The following RYR2 variants were observed in gnomAD, a reference collection of about 807,000 sequenced individuals.
The protein encoded by RYR2 is cardiac muscle ryanodine receptor-calcium release channel.
In RYR2, 227 loss-of-function variants were observed where a neutral mutation model predicts 601.1. The ratio of observed to expected loss-of-function variants is 0.38; its 90% CI spans 0.34 to 0.42. The LOEUF is 0.42. Among genes scored for constraint, RYR2 ranks in the 10% least tolerant of loss-of-function variants. RYR2 has a pLI of 1.00. For missense variants in RYR2, 4,646 were observed against 6,156.5 expected (o/e 0.75, Z 8.21); for synonymous variants, 2,223 against 2,175.1 (o/e 1.02, Z -0.61).
chr1:237,181,415 G>A (rs1359394491), intron 1 of RYR2, among the ~76,000 whole-genome samples: 2 of 152,254 alleles, frequency 1.3e-5, no homozygotes, highest in East Asian at 1.9e-4. Flanking sequence ...GGTGAGTGGC[G>A]GAGTCAGGAT....
intron 1 of RYR2, among the ~76,000 whole-genome samples, chr1:237,066,672 C>T (rs544093636): frequency 1.8e-4 from 27 of 150,378 alleles, no homozygotes; most frequent in Non-Finnish European, 2.4e-4. Flanking sequence ...GACGGAGTCT[C>T]GCTCTGTCGC....
chr1:237,344,890 A>T (rs1698160200), intron 3 of RYR2, among the ~76,000 whole-genome samples: 1 of 151,966 alleles, frequency 6.6e-6, no homozygotes, highest in South Asian at 2.1e-4. Context: ...CACTGCAACC[A>T]ACCTCTGCCT....
intron 27 of RYR2, among the ~76,000 whole-genome samples, chr1:237,565,115 T>TTTTC (rs367736284): frequency 0.019 from 163 of 8,764 alleles, 11 homozygotes; most frequent in Middle Eastern, 0.18. Flanking sequence ...CTTTCTTTCT[T>TTTTC]TTTCTTTCTT....
At chr1:237,579,198 G>T (rs1673603678) in intron 29 of RYR2, among the ~76,000 whole-genome samples, 1 of 148,806 alleles carries the variant, frequency 6.7e-6, no homozygotes, top group South Asian at 2.1e-4. Context: ...CTTTTTCTTT[G>T]CCTTGTGCTC....
At chr1:237,383,570 T>C (rs1375705400) in intron 8 of RYR2, among the ~76,000 whole-genome samples, 2 of 151,404 alleles carry the variant, frequency 1.3e-5, no homozygotes, top group Admixed American at 1.3e-4. Context: ...GCTGGGACTG[T>C]AGGTGCCTGC....
intron 44 of RYR2, among the ~76,000 whole-genome samples, chr1:237,636,070 C>T (rs1020251650): frequency 1.3e-5 from 2 of 152,010 alleles, no homozygotes; most frequent in Non-Finnish European, 2.9e-5. Flanking sequence ...GCTTTATTTT[C>T]AACTATTGGA....
chr1:237,054,191 T>TC (rs1347753738), intron 1 of RYR2, among the ~76,000 whole-genome samples: 1 of 139,334 alleles, frequency 7.2e-6, no homozygotes. Context: ...CTCCCTCCCT[T>TC]CTTCCCTTCT....
intron 1 of RYR2, among the ~76,000 whole-genome samples, chr1:237,163,074 A>C (rs892619636): frequency 6.6e-6 from 1 of 152,226 alleles, no homozygotes; most frequent in Non-Finnish European, 1.5e-5. Flanking sequence ...ACAATAGCAC[A>C]CACTGGCCTT....
At chr1:237,626,010 A>G (rs572870767) in intron 40 of RYR2, among the ~76,000 whole-genome samples, 2 of 152,360 alleles carry the variant, frequency 1.3e-5, no homozygotes, top group South Asian at 4.1e-4. Context: ...AGGTAGCAGC[A>G]TGATAAAGAT....
chr1:237,660,154 T>A, intron 55 of RYR2, 80 bp downstream of exon 55: 1 of 716,568 alleles, frequency 1.4e-6, no homozygotes. Context: ...TTTTTTATAT[T>A]AAAATGTCTT....
At chr1:237,264,815 C>A (rs534928112) in intron 1 of RYR2, among the ~76,000 whole-genome samples, 2 of 151,734 alleles carry the variant, frequency 1.3e-5, no homozygotes, top group Admixed American at 6.6e-5. Flanking sequence ...CCTGCCTCAG[C>A]GTCCCAAGTA....
chr1:237,716,281 A>C (rs1284673740), intron 71 of RYR2, among the ~76,000 whole-genome samples: 1 of 152,082 alleles, frequency 6.6e-6, no homozygotes, highest in Non-Finnish European at 1.5e-5. Flanking sequence ...TGTATATTAA[A>C]TTCTATTATG....
chr1:237,728,698 A>G (rs1405697272), intron 76 of RYR2, among the ~76,000 whole-genome samples: 1 of 148,644 alleles, frequency 6.7e-6, no homozygotes, highest in Admixed American at 6.8e-5. Flanking sequence ...AAAATAAAAT[A>G]CCACATGTTC....
intron 27 of RYR2, 28 bp from the exon 28 acceptor site, chr1:237,566,539 C>T (rs2148251152): frequency 1.2e-6 from 2 of 1,602,724 alleles, no homozygotes; most frequent in East Asian, 2.2e-5. Flanking sequence ...CATCCAATGA[C>T]CACCAGAAAT....
In RYR2 at chr1:237,445,471, G is replaced by A. The variant is rs371121679; in HGVS notation, c.1241G>A (p.Arg414His). The change falls in exon 14 of 105, where the codon CGC (arginine) becomes CAC (histidine). Residue 414 changes from arginine (R) to histidine (H), a missense_variant. Transcript: ENST00000366574. ...SLSRSQHEESRTARVIRSTVF... is the reference protein window; with the variant it reads ...SLSRSQHEESHTARVIRSTVF... ...TCGAGATCCCAGCATGAAGAATCAC[G>A]CACAGCCCGAGTTATCCGGAGCACA... 60 of 1,613,574 alleles carry A rather than the reference G, an allele frequency of 3.7e-5. No homozygotes were observed. The highest frequency in any genetic ancestry group is 5.5e-5 in the South Asian group (5 of 91,086).
intron 62 of RYR2, among the ~76,000 whole-genome samples, chr1:237,682,567 T>C (rs1685984412): frequency 6.6e-6 from 1 of 152,214 alleles, no homozygotes; most frequent in Admixed American, 6.5e-5. Flanking sequence ...TGCACAAGTA[T>C]GTAGCCTGGA....
chr1:237,324,181 G>A (rs994101565), intron 2 of RYR2, among the ~76,000 whole-genome samples: 7 of 152,092 alleles, frequency 4.6e-5, no homozygotes, highest in African/African-American at 1.4e-4. Flanking sequence ...TATTTCCTAC[G>A]AGTCAATGGG....
rs1297607706 is a variant in RYR2 at position 237,082,540 on chromosome 1, T to C, written c.48+39971T>C. ...ATAGGAAAACATATATATATATATA[T>C]ATATATATATATATATAAAATCGGA... On this transcript the variant is annotated intron_variant, in intron 1 of 104. Coordinates refer to ENST00000366574, the MANE Select transcript of RYR2 (RefSeq NM_001035.3). Among the ~76,000 whole-genome samples the C allele has an allele frequency of 8.5e-5, 10 of 117,034 alleles. No homozygotes were observed. In the East Asian group the frequency reaches 2.2e-3, roughly 26 times the overall value. 76.8% of individuals were successfully genotyped at this position (117,034 alleles called of 152,430 possible). A position where few individuals can be genotyped will look rare whatever the true frequency, so the allele number is the denominator to read the frequency against.
chr1:237,643,166 G>T (rs1038295506), intron 47 of RYR2, among the ~76,000 whole-genome samples, 161 bp from the exon 48 acceptor site: 1 of 152,114 alleles, frequency 6.6e-6, no homozygotes, highest in Non-Finnish European at 1.5e-5. Context: ...GTAAATATTC[G>T]CAGGTAAGCC....
Sources: gnomAD v4.1 joint callset for allele counts (sites outside exome capture counted in the v4.1 genomes callset) on GRCh38, gnomAD v4.1.1 for gene constraint, MANE v1.5 for transcripts, NCBI Gene and HGNC (gene_info 2026-07-23, HGNC 2026-07-21) for gene names.